CSF1: variants seen among roughly 807,000 people sequenced by gnomAD.
The protein encoded by CSF1 is macrophage colony-stimulating factor 1.
In CSF1, 9 loss-of-function variants were observed where a neutral mutation model predicts 48.9. That is an observed-to-expected ratio of 0.18 (90% CI 0.11 to 0.32). The LOEUF is 0.32. CSF1 is among the 10% of genes least tolerant of loss of function. CSF1 has a pLI of 1.00. For missense variants in CSF1, 672 were observed against 697.9 expected (o/e 0.96, Z 0.42); for synonymous variants, 305 against 284.1 (o/e 1.07, Z -0.74).
chr1:109,912,560 C>T lies in CSF1; in HGVS notation c.39+1498C>T, dbSNP rs150039775. Among the ~76,000 whole-genome samples the T allele has an allele frequency of 2.6e-5, 4 of 152,252 alleles. No homozygotes were observed. The East Asian group carries it at 7.7e-4, about 29-fold the overall frequency. On this transcript the variant is annotated intron_variant, in intron 1 of 8. Transcript: ENST00000329608. ...CCCCTTTGGCCAGCTTCGAAGTCAG[C>T]CTCTCATGTAGTGGCTGCACTTTCC...
At chr1:109,928,336 T>C (rs1313336736) in intron 8 of CSF1, among the ~76,000 whole-genome samples, 1 of 152,234 alleles carries the variant, frequency 6.6e-6, no homozygotes, top group Non-Finnish European at 1.5e-5. Flanking sequence ...TTTTCCTCTC[T>C]GGCCCAAGTT....
chr1:109,920,302 C>T (rs1373784770), intron 4 of CSF1, among the ~76,000 whole-genome samples: 1 of 152,026 alleles, frequency 6.6e-6, no homozygotes, highest in Non-Finnish European at 1.5e-5. Context: ...CGGAGTCTCA[C>T]TCTCTCCCAG....
At chr1:109,917,224 A>G (rs1196583129) in intron 3 of CSF1, 69 bp from the exon 4 acceptor site, 23 of 1,540,196 alleles carry the variant, frequency 1.5e-5, no homozygotes, top group Non-Finnish European at 1.9e-5. Flanking sequence ...GCAACCCTCC[A>G]TCTGCCTGGG....
At chr1:109,925,536 A>T (rs1209947319) in intron 8 of CSF1, among the ~76,000 whole-genome samples, 1 of 152,114 alleles carries the variant, frequency 6.6e-6, no homozygotes, top group Non-Finnish European at 1.5e-5. Flanking sequence ...ACCCTCCTGG[A>T]GAATCTTCAG....
At chr1:109,910,560 A>G (rs1162103934), upstream of CSF1, 2 of 311,444 alleles carry the variant, frequency 6.4e-6, no homozygotes, top group Admixed American at 3.5e-5. Flanking sequence ...GGCGCGGGGA[A>G]GGCAGGGTGG....
At chr1:109,913,816 G>A (rs1441408318) in intron 1 of CSF1, among the ~76,000 whole-genome samples, 1 of 152,226 alleles carries the variant, frequency 6.6e-6, no homozygotes, top group Non-Finnish European at 1.5e-5. Flanking sequence ...GCTGTCTCTG[G>A]CTTGCCATCT....
intron 1 of CSF1, among the ~76,000 whole-genome samples, chr1:109,911,600 C>T (rs973276366): frequency 6.6e-6 from 1 of 152,148 alleles, no homozygotes; most frequent in African/African-American, 2.4e-5. Context: ...CTTGTTCCAG[C>T]CCACAGGCAG....
intron 1 of CSF1, among the ~76,000 whole-genome samples, chr1:109,911,462 G>T (rs1251498684): frequency 6.6e-6 from 1 of 152,176 alleles, no homozygotes; most frequent in Admixed American, 6.5e-5. Context: ...TTCCTCATCG[G>T]CCACACACGT....
At position 109,924,834 on chromosome 1, in the gene CSF1, A is replaced by G; in HGVS notation, c.1622+6A>G. On this transcript the variant is annotated splice_donor_region_variant and intron_variant, in intron 7 of 8. Transcript: ENST00000329608. Reference sequence around the variant, plus strand: ...TTGGAGCAACCAGAGGGCAGGTGAGAGCTTGAGGTGGGGCTCTGGGAGGCA... The same window carrying G: ...TTGGAGCAACCAGAGGGCAGGTGAGGGCTTGAGGTGGGGCTCTGGGAGGCA... The G allele has an allele frequency of 6.2e-7, 1 of 1,605,492 alleles. No individual in the cohort carries two copies. Among genetic ancestry groups the G allele is most frequent in the Non-Finnish European group, 8.5e-7 (1 of 1,175,818 alleles).
Position 109,924,094 on chromosome 1 carries a change from G to T in CSF1, c.1473G>T (p.Pro491=). 1 of 1,614,208 alleles carries T rather than the reference G, an allele frequency of 6.2e-7. No individual in the cohort carries two copies. The highest frequency in any genetic ancestry group is 1.1e-5 in the South Asian group (1 of 91,084). The stretch of plus-strand genomic sequence containing the variant: ...GGCAGTCCGAGGGATCCTTCAGCCC[G>T]CAGCTCCAGGAGTCTGTCTTCCACC... ...HERQSEGSFS[P]QLQESVFHLL... is the part of the protein sequence containing the mutation. The change falls in exon 6 of 9, where the codon CCG becomes CCT. Residue 491 remains proline, a synonymous_variant. Coordinates refer to ENST00000329608, the MANE Select transcript of CSF1 (RefSeq NM_000757.6).
At chr1:109,925,346 G>A in intron 8 of CSF1, 144 bp downstream of exon 8, 1 of 688,450 alleles carries the variant, frequency 1.5e-6, no homozygotes, top group Non-Finnish European at 2.6e-6. Flanking sequence ...TACATCGCCA[G>A]CCAGGTCCAG....
At chr1:109,920,525 G>A (rs1436875319) in intron 4 of CSF1, among the ~76,000 whole-genome samples, 1 of 152,060 alleles carries the variant, frequency 6.6e-6, no homozygotes, top group Admixed American at 6.5e-5. Context: ...CACCATGTTG[G>A]TCAGGCTGAT....
Position 109,923,284 on chromosome 1 carries a change from G to A in CSF1, c.663G>A (p.Leu221=). The change falls in exon 6 of 9, where the codon TTG becomes TTA. Residue 221 remains leucine, a synonymous_variant. Transcript: ENST00000329608. ...LAPSMAPVAG[L]TWEDSEGTEG... ...CCTCCATGGCCCCTGTGGCTGGCTTGACCTGGGAGGACTCTGAGGGAACTG... is the reference window on the plus strand; with the variant it reads ...CCTCCATGGCCCCTGTGGCTGGCTTAACCTGGGAGGACTCTGAGGGAACTG... The A allele has an allele frequency of 1.2e-6, 2 of 1,612,378 alleles. No homozygotes were observed. The highest frequency in any genetic ancestry group is 8.5e-7 in the Non-Finnish European group (1 of 1,179,188).
Position 109,924,190 on chromosome 1 carries a change from G to A in CSF1, c.1569G>A (p.Arg523=). 1.9e-6 allele frequency: 3 copies of A among 1,601,058 alleles called. No homozygotes were observed. The highest frequency in any genetic ancestry group is 2.6e-6 in the Non-Finnish European group (3 of 1,173,844). Residue 523 remains arginine, a splice_region_variant and synonymous_variant, in exon 6 of 9, where the codon CGG becomes CGA. Transcript: ENST00000329608. ...GGLLFYRWRR[R]SHQEPQRADS... ...TCTTGTTCTACAGGTGGAGGCGGCG[G>A]GTGAGTAGATCCCCATGAGGAAGAA...
At position 109,919,656 on chromosome 1, in the gene CSF1, C is replaced by G. The variant is rs183916723; in HGVS notation, c.397-2191C>G. ...ACACACCCCTAGAGAGTCTGATACACTGGGTTTAAGAGTGGCTCCAGGGCC... is the reference window on the plus strand; with the variant it reads ...ACACACCCCTAGAGAGTCTGATACAGTGGGTTTAAGAGTGGCTCCAGGGCC... On this transcript the variant is annotated intron_variant, in intron 4 of 8. Transcript: ENST00000329608. 2.0e-3 allele frequency among the ~76,000 whole-genome samples: 298 copies of G among 152,226 alleles called. 2 individuals are homozygous for G. The highest frequency in any genetic ancestry group is 6.9e-3 in the African/African-American group (288 of 41,544).
intron 1 of CSF1, among the ~76,000 whole-genome samples, chr1:109,913,006 T>C (rs752771140): frequency 7.9e-5 from 12 of 152,160 alleles, no homozygotes; most frequent in Non-Finnish European, 1.2e-4. Context: ...CTTCTCCCCA[T>C]CTTTCAAGGC....
At chr1:109,915,547 G>A in intron 2 of CSF1, 87 bp from the exon 3 acceptor site, 1 of 1,149,000 alleles carries the variant, frequency 8.7e-7, no homozygotes, top group Non-Finnish European at 1.3e-6. Flanking sequence ...AATCCACTCA[G>A]AAGCTAAGGT....
In CSF1 at chr1:109,930,603, G is replaced by A. The variant is rs1162447363; in HGVS notation, c.*1765G>A. On this transcript the variant is annotated 3_prime_UTR_variant, in exon 9 of 9. Transcript: ENST00000329608. ...CTTGCATATGGGGCTTAGCCTTCTA[G>A]TCACAGCCTCTATATTTGATGCTAG... is the stretch of plus-strand genomic sequence containing the variant. 1 of 152,218 alleles carries A rather than the reference G, an allele frequency of 6.6e-6. No homozygotes were observed. Among genetic ancestry groups the A allele is most frequent in the African/African-American group, 2.4e-5 (1 of 41,454 alleles). 9.4% of individuals were successfully genotyped at this position (152,218 alleles called of 1,614,324 possible).
At chr1:109,911,551 G>A (rs551391558) in intron 1 of CSF1, among the ~76,000 whole-genome samples, 2 of 152,278 alleles carry the variant, frequency 1.3e-5, no homozygotes, top group South Asian at 2.1e-4. Context: ...AGAACGCCAG[G>A]GACTTGCTGG....
Sources: gnomAD v4.1 joint callset for allele counts (sites outside exome capture counted in the v4.1 genomes callset) on GRCh38, gnomAD v4.1.1 for gene constraint, MANE v1.5 for transcripts, NCBI Gene and HGNC (gene_info 2026-07-23, HGNC 2026-07-21) for gene names.